Variants in EML1 observed in about 807,000 individuals in gnomAD.
EML1 encodes echinoderm microtubule-associated protein-like 1.
Under a neutral mutation model 110.4 loss-of-function variants are expected in EML1, and 27 were observed. The ratio of observed to expected loss-of-function variants is 0.24; its 90% CI spans 0.18 to 0.34. The LOEUF (loss-of-function observed/expected upper bound fraction) is 0.34, where lower values mean the gene tolerates loss of function less well. Ranked by LOEUF, EML1 falls within the 10% of genes least tolerant of loss-of-function variation. The probability of loss-of-function intolerance (pLI) is 1.00; values close to 1 mark genes in which losing one functional copy is unlikely to be tolerated. For missense variants in EML1, 741 were observed against 1,030.9 expected (o/e 0.72, Z 3.85); for synonymous variants, 344 against 385.8 (o/e 0.89, Z 1.27).
intron 1 of EML1, among the ~76,000 whole-genome samples, chr14:99,829,668 T>C (rs1240872152): frequency 6.6e-6 from 1 of 152,210 alleles, no homozygotes; most frequent in Non-Finnish European, 1.5e-5. Context: ...CACAGTCTGC[T>C]TTCTGTCTCT....
At chr14:99,914,382 G>C in intron 14 of EML1, 78 bp downstream of exon 14, 2 of 1,567,058 alleles carry the variant, frequency 1.3e-6, no homozygotes, top group Non-Finnish European at 8.7e-7. Flanking sequence ...TTACAATCAG[G>C]TGCTTTATAC....
At chr14:99,811,342 T>C in intron 1 of EML1, among the ~76,000 whole-genome samples, 1 of 151,856 alleles carries the variant, frequency 6.6e-6, no homozygotes, top group Non-Finnish European at 1.5e-5. Context: ...CACTGTGCCT[T>C]GTGTTGAGTG....
At chr14:99,876,278 G>T (rs927331455) in intron 3 of EML1, among the ~76,000 whole-genome samples, 1 of 152,120 alleles carries the variant, frequency 6.6e-6, no homozygotes, top group African/African-American at 2.4e-5. Context: ...CAGTGCAGGC[G>T]CAGGGGTCTT....
chr14:99,739,091 T>A (rs141018260), intron 1 of EML1, among the ~76,000 whole-genome samples: 24,371 of 136,406 alleles, frequency 0.18, 2,163 homozygotes, highest in African/African-American at 0.26. Context: ...TGTGTGTGTG[T>A]GAGAGAGAGA....
At chr14:99,927,079 G>A (rs770762162) in intron 17 of EML1, among the ~76,000 whole-genome samples, 5 of 152,088 alleles carry the variant, frequency 3.3e-5, no homozygotes, top group African/African-American at 4.8e-5. Flanking sequence ...CCACAGTATC[G>A]TTGTCTCCTC....
intron 1 of EML1, among the ~76,000 whole-genome samples, chr14:99,832,032 C>T (rs527756514): frequency 6.6e-6 from 1 of 152,076 alleles, no homozygotes; most frequent in African/African-American, 2.4e-5. Flanking sequence ...TCTTTTGTGC[C>T]CCTTTGTCAG....
chr14:99,938,634 T>A (rs1211468931), intron 20 of EML1, among the ~76,000 whole-genome samples: 1 of 151,778 alleles, frequency 6.6e-6, no homozygotes, highest in Non-Finnish European at 1.5e-5. Context: ...CACCCACCCA[T>A]TCTCCAGGCC....
chr14:99,851,571 T>A (rs978413808), intron 2 of EML1, among the ~76,000 whole-genome samples: 1 of 152,132 alleles, frequency 6.6e-6, no homozygotes, highest in Non-Finnish European at 1.5e-5. Context: ...CCTCCCAAAG[T>A]GCTGGGATTA....
At position 99,920,829 on chromosome 14, in the gene EML1, GT is replaced by G; in HGVS notation, c.1863del (p.His622ThrfsTer10). On this transcript the variant is annotated frameshift_variant, in exon 17 of 22. Transcript: ENST00000262233. LOFTEE classifies it high-confidence loss of function. ...FDTETKDLVT[V>X]HTDGNEQLSV... ...CACAGAAACAAAAGACTTGGTCACCGTTCACACAGATGGAAACGAACAGCTC... is the reference window on the plus strand; with the variant it reads ...CACAGAAACAAAAGACTTGGTCACCGTCACACAGATGGAAACGAACAGCTC... 6.2e-7 allele frequency: 1 copy of G among 1,613,842 alleles called. No individual in the cohort carries two copies. The highest frequency in any genetic ancestry group is 8.5e-7 in the Non-Finnish European group (1 of 1,179,954).
intron 2 of EML1, among the ~76,000 whole-genome samples, chr14:99,860,637 G>A (rs910272860): frequency 3.3e-5 from 5 of 152,204 alleles, no homozygotes; most frequent in Admixed American, 6.5e-5. Context: ...TAGGTACTTA[G>A]TAAGCGTGCT....
intron 3 of EML1, among the ~76,000 whole-genome samples, chr14:99,872,905 G>A (rs1315689481): frequency 5.3e-5 from 8 of 152,076 alleles, no homozygotes; most frequent in Non-Finnish European, 7.4e-5. Flanking sequence ...TCTTTTCTCC[G>A]GGGGTTTTTC....
chr14:99,927,817 T>G (rs1018345406), intron 17 of EML1, among the ~76,000 whole-genome samples: 222 of 5,130 alleles, frequency 0.043, no homozygotes, highest in Admixed American at 0.062. Context: ...GGTGGGGGGG[T>G]GGTGGTGGTG....
chr14:99,928,866 A>G (rs1306599751), intron 17 of EML1, among the ~76,000 whole-genome samples: 1 of 152,168 alleles, frequency 6.6e-6, no homozygotes, highest in Non-Finnish European at 1.5e-5. Context: ...CCATGTTGAG[A>G]AGGAGCTTGA....
At chr14:99,816,706 C>T (rs1354321597) in intron 1 of EML1, among the ~76,000 whole-genome samples, 5 of 152,366 alleles carry the variant, frequency 3.3e-5, no homozygotes, top group Admixed American at 1.3e-4. Flanking sequence ...ACAGCTGTCA[C>T]ATCCAAGTGT....
rs1429111616 is a variant in EML1, at chr14:99,905,681, A to C, written c.1009-1957A>C. On this transcript the variant is annotated intron_variant, in intron 9 of 21. Transcript: ENST00000262233. The surrounding 1 kb of genome is among the most constrained non-coding windows in gnomAD (Gnocchi z 4.1). ...CAAAGAGTGCAAGGCAGATAAACCC[A>C]AAGATGATAATAGCAGTTAACGTCC... Among the ~76,000 whole-genome samples, 5 of 152,180 alleles carry C rather than the reference A, an allele frequency of 3.3e-5. No individual in the cohort carries two copies. The highest frequency in any genetic ancestry group is 6.5e-5 in the Admixed American group (1 of 15,276).
At chr14:99,917,654 AAT>A (rs2060055498) in intron 15 of EML1, 126 bp from the exon 16 acceptor site, 1 of 839,160 alleles carries the variant, frequency 1.2e-6, no homozygotes. Context: ...AGACTTTTCA[AAT>A]AGAGCCATAT....
At chr14:99,810,747 A>G (rs1319102162) in intron 1 of EML1, among the ~76,000 whole-genome samples, 1 of 152,206 alleles carries the variant, frequency 6.6e-6, no homozygotes, top group African/African-American at 2.4e-5. Context: ...CTGCTTTGTG[A>G]ATTGTGAAAC....
chr14:99,738,952 T>G (rs1243388972), intron 1 of EML1, among the ~76,000 whole-genome samples: 2 of 151,502 alleles, frequency 1.3e-5, no homozygotes, highest in Non-Finnish European at 2.9e-5. Flanking sequence ...TCCTGGGGGG[T>G]GTGGGGCAGA....
At chr14:99,851,233 C>T (rs1416063275) in intron 2 of EML1, among the ~76,000 whole-genome samples, 198 bp downstream of exon 2, 1 of 152,120 alleles carries the variant, frequency 6.6e-6, no homozygotes, top group Non-Finnish European at 1.5e-5. Context: ...TTGTACAGCC[C>T]AGTGATGTAC....
Sources: allele counts gnomAD v4.1 joint callset (sites outside exome capture counted in the v4.1 genomes callset), GRCh38; gene constraint gnomAD v4.1.1; non-coding constraint Gnocchi (gnomAD v3.1); transcripts MANE v1.5; gene names NCBI Gene and HGNC (gene_info 2026-07-23, HGNC 2026-07-21).